The following LAPTM4A variants were observed in gnomAD, a reference collection of about 807,000 sequenced individuals.
The protein encoded by LAPTM4A is lysosomal protein transmembrane 4 alpha.
LAPTM4A carries 19 observed loss-of-function variants against 29.9 expected under a neutral mutation model. The ratio of observed to expected loss-of-function variants is 0.64; its 90% confidence interval spans 0.44 to 0.93. The LOEUF (loss-of-function observed/expected upper bound fraction) is 0.93. Among genes scored for constraint, LAPTM4A ranks in the 40% least tolerant of loss-of-function variants. LAPTM4A has a pLI of 0.00. For synonymous variants in LAPTM4A, 105 were observed against 102.1 expected (o/e 1.03, Z -0.17); for missense variants, 293 against 288.5 (o/e 1.02, Z -0.11).
intron 1 of LAPTM4A, among the ~76,000 whole-genome samples, chr2:20,050,725 G>T (rs539451678): frequency 6.6e-6 from 1 of 152,172 alleles, no homozygotes; most frequent in Non-Finnish European, 1.5e-5. Flanking sequence ...GATGGAGAGG[G>T]CTCTCAATAA....
intron 4 of LAPTM4A, 155 bp from the exon 5 acceptor site, chr2:20,035,217 T>G: frequency 1.6e-6 from 1 of 623,474 alleles, no homozygotes; most frequent in Non-Finnish European, 2.9e-6. Context: ...GCTTTTAAAT[T>G]TTAAGCCTTA....
chr2:20,043,043 G>A (rs1003393366), intron 1 of LAPTM4A, among the ~76,000 whole-genome samples: 4 of 146,222 alleles, frequency 2.7e-5, no homozygotes, highest in Non-Finnish European at 4.5e-5. Context: ...GGGTTCAAGC[G>A]ATTCTCCTGC....
At chr2:20,048,099 A>T (rs1330742358) in intron 1 of LAPTM4A, among the ~76,000 whole-genome samples, 3 of 152,214 alleles carry the variant, frequency 2.0e-5, no homozygotes. Flanking sequence ...ACTCATGAAA[A>T]ATTAGCCATA....
chr2:20,040,113 G>A (rs1447358967), intron 2 of LAPTM4A, among the ~76,000 whole-genome samples: 1 of 152,080 alleles, frequency 6.6e-6, no homozygotes, highest in Non-Finnish European at 1.5e-5. Context: ...CACCACCCAA[G>A]GGTCCTACCT....
At chr2:20,038,923 CT>C (rs530861842) in intron 2 of LAPTM4A, among the ~76,000 whole-genome samples, 24 of 148,204 alleles carry the variant, frequency 1.6e-4, no homozygotes, top group African/African-American at 4.2e-4. Context: ...GTATATACAA[CT>C]TTTTTTTTTT....
At chr2:20,047,582 C>G (rs1275263635) in intron 1 of LAPTM4A, among the ~76,000 whole-genome samples, 2 of 144,216 alleles carry the variant, frequency 1.4e-5, no homozygotes, top group African/African-American at 5.1e-5. Flanking sequence ...CCCAGCTACT[C>G]GGGAGGCTGA....
At chr2:20,049,114 T>A (rs1164494194) in intron 1 of LAPTM4A, among the ~76,000 whole-genome samples, 1 of 152,234 alleles carries the variant, frequency 6.6e-6, no homozygotes, top group African/African-American at 2.4e-5. Flanking sequence ...GCTCCAAGTT[T>A]GTGATACCAT....
At chr2:20,046,733 ATATATAAATATATAT>A (rs1469321316) in intron 1 of LAPTM4A, among the ~76,000 whole-genome samples, 14 of 143,514 alleles carry the variant, frequency 9.8e-5, no homozygotes, top group East Asian at 2.0e-4. Context: ...TTATATATCT[ATATATAAATATATAT>A]TATATAAATA....
At chr2:20,039,145 G>A (rs1673741774) in intron 2 of LAPTM4A, among the ~76,000 whole-genome samples, 1 of 152,150 alleles carries the variant, frequency 6.6e-6, no homozygotes, top group African/African-American at 2.4e-5. Context: ...TCAAACTCCT[G>A]ACCTCAAGTG....
chr2:20,034,472 T>C, intron 5 of LAPTM4A, 57 bp from the exon 6 acceptor site: 1 of 1,177,404 alleles, frequency 8.5e-7, no homozygotes. Flanking sequence ...CTACCTGCTC[T>C]AAAATGCCAG....
rs1486621690 is a variant in LAPTM4A at position 20,051,525 on chromosome 2, A to C, written c.-5T>G. ...CTTGAAACTCATGGACACCATCGTA[A>C]CAGGCGGGCCTCCTTCTTGGCCGGG... On this transcript the variant is annotated 5_prime_UTR_variant, in exon 1 of 7. Transcript: ENST00000175091. 2 of 1,578,260 alleles carry C rather than the reference A, an allele frequency of 1.3e-6. No homozygotes were observed.
chr2:20,040,816 C>T (rs1309070141), intron 2 of LAPTM4A, 75 bp downstream of exon 2: 3 of 1,307,000 alleles, frequency 2.3e-6, no homozygotes, highest in South Asian at 1.3e-5. Context: ...GAATGTGTCC[C>T]CATCATTAAA....
At chr2:20,043,057 A>AG (rs1461577068) in intron 1 of LAPTM4A, among the ~76,000 whole-genome samples, 1 of 148,292 alleles carries the variant, frequency 6.7e-6, no homozygotes, top group African/African-American at 2.5e-5. Flanking sequence ...CTCCTGCCTC[A>AG]GTCCCCGGGG....
At chr2:20,045,656 G>T (rs1162173583) in intron 1 of LAPTM4A, among the ~76,000 whole-genome samples, 1 of 152,106 alleles carries the variant, frequency 6.6e-6, no homozygotes, top group Admixed American at 6.5e-5. Flanking sequence ...ATGTAAGTGT[G>T]TACAATAAGA....
chr2:20,034,887 T>C (rs1034891156), intron 5 of LAPTM4A, 80 bp downstream of exon 5: 1 of 975,536 alleles, frequency 1.0e-6, no homozygotes, highest in Non-Finnish European at 1.6e-6. Flanking sequence ...TCCTGTGACT[T>C]GTAAGGTGAA....
At chr2:20,036,013 G>GT (rs1673669203) in intron 4 of LAPTM4A, among the ~76,000 whole-genome samples, 1 of 152,224 alleles carries the variant, frequency 6.6e-6, no homozygotes, top group Middle Eastern at 3.4e-3. Flanking sequence ...GAAAAAAGCT[G>GT]TTTTTTTGAT....
At chr2:20,035,102 G>T in intron 4 of LAPTM4A, 40 bp from the exon 5 acceptor site, 1 of 1,347,486 alleles carries the variant, frequency 7.4e-7, no homozygotes, top group Non-Finnish European at 1.1e-6. Flanking sequence ...GTCAGCCATC[G>T]CACTAGCACT....
At chr2:20,041,937 A>T (rs1046389029) in intron 1 of LAPTM4A, among the ~76,000 whole-genome samples, 1 of 152,230 alleles carries the variant, frequency 6.6e-6, no homozygotes, top group Non-Finnish European at 1.5e-5. Context: ...AGACATGCAG[A>T]TCTTTAAGCC....
chr2:20,035,243 G>T (rs1673655905), intron 4 of LAPTM4A, 181 bp from the exon 5 acceptor site: 2 of 573,080 alleles, frequency 3.5e-6, no homozygotes, highest in South Asian at 4.3e-5. Context: ...ATTAATGCAT[G>T]CTAACAATCA....
Sources: gnomAD v4.1 joint callset for allele counts (sites outside exome capture counted in the v4.1 genomes callset) on GRCh38, gnomAD v4.1.1 for gene constraint, MANE v1.5 for transcripts, NCBI Gene and HGNC (gene_info 2026-07-23, HGNC 2026-07-21) for gene names.